Variants in ALDH1L1 observed in about 807,000 individuals in gnomAD.
ALDH1L1 encodes aldehyde dehydrogenase 1 family member L1.
A neutral mutation model predicts 101.1 loss-of-function variants in ALDH1L1; 68 were observed. That is an observed-to-expected ratio of 0.67 (90% CI 0.55 to 0.82). The LOEUF is 0.82. Among genes scored for constraint, ALDH1L1 ranks in the 40% least tolerant of loss-of-function variants. The pLI, the probability that ALDH1L1 is intolerant of heterozygous loss-of-function variation, is 0.00. For synonymous variants in ALDH1L1, 486 were observed against 470.8 expected (o/e 1.03, Z -0.42); for missense variants, 1,087 against 1,172.7 (o/e 0.93, Z 1.07).
rs959949640 is a variant in ALDH1L1 at position 126,155,258 on chromosome 3, C to A, written c.630+144G>T. ...CTCCTCCACGGCTCTCTTCATGCAT[C>A]CCTGACCTGGGCTGCCCTGTGTTCT... is the stretch of plus-strand genomic sequence containing the variant. On this transcript the variant is annotated intron_variant, in intron 5 of 22. Coordinates refer to ENST00000393434, the MANE Select transcript of ALDH1L1 (RefSeq NM_012190.4). 5 of 646,752 alleles carry A rather than the reference C, an allele frequency of 7.7e-6. No individual in the cohort carries two copies. In the East Asian group the frequency reaches 1.3e-4, roughly 16 times the overall value. The allele number at this position is 646,752 out of a possible 1,614,324, so 40.1% of individuals were successfully genotyped here.
intron 5 of ALDH1L1, 124 bp from the exon 6 acceptor site, chr3:126,154,767 C>T (rs1373277465): frequency 2.5e-6 from 2 of 794,454 alleles, no homozygotes; most frequent in South Asian, 1.6e-5. Flanking sequence ...CTCTTAGACA[C>T]TTGCAGGAGT....
intron 12 of ALDH1L1, chr3:126,135,241 C>A (rs532758034): frequency 1.1e-5 from 3 of 282,252 alleles, no homozygotes; most frequent in African/African-American, 2.3e-5. Flanking sequence ...GCCCAGCCTG[C>A]GCCCACTTTG....
chr3:126,135,803 C>T lies in ALDH1L1; in HGVS notation c.1345-141G>A, dbSNP rs1160715575. 2.0e-5 allele frequency: 21 copies of T among 1,061,562 alleles called. No individual in the cohort carries two copies. In the East Asian group the frequency reaches 6.0e-4, roughly 30 times the overall value. 65.8% of individuals were successfully genotyped at this position (1,061,562 alleles called of 1,614,324 possible). ...AGCAGGTGTGGAGGAGAAGCATGGCCAAAGGACAACCCTGGGAGGGTTTAC... is the reference window on the plus strand; with the variant it reads ...AGCAGGTGTGGAGGAGAAGCATGGCTAAAGGACAACCCTGGGAGGGTTTAC... On this transcript the variant is annotated intron_variant, in intron 11 of 22. Coordinates refer to ENST00000393434, the MANE Select transcript of ALDH1L1 (RefSeq NM_012190.4).
At chr3:126,116,508 T>C (rs1372963553) in intron 17 of ALDH1L1, among the ~76,000 whole-genome samples, 2 of 152,148 alleles carry the variant, frequency 1.3e-5, no homozygotes, top group Admixed American at 6.5e-5. Flanking sequence ...AGAGCTGACA[T>C]TTCCTGAGCC....
Position 126,161,820 on chromosome 3 carries a change from A to C in ALDH1L1, c.-23-818T>G, listed in dbSNP as rs1262944520. ...TCAATGAATTTCACAAACCAAACAC[A>C]CCACTGTCAACACCACCAGAAAGAG... is the stretch of plus-strand genomic sequence containing the variant. On this transcript the variant is annotated intron_variant, in intron 1 of 22. Coordinates refer to ENST00000393434, the MANE Select transcript of ALDH1L1 (RefSeq NM_012190.4). Among the ~76,000 whole-genome samples the C allele has an allele frequency of 2.6e-5, 4 of 152,162 alleles. No individual in the cohort carries two copies. In the South Asian group the frequency reaches 6.2e-4, roughly 24 times the overall value.
chr3:126,157,180 TC>T (rs1324322213), intron 4 of ALDH1L1, among the ~76,000 whole-genome samples, 162 bp downstream of exon 4: 8 of 152,142 alleles, frequency 5.3e-5, no homozygotes, highest in African/African-American at 1.9e-4. Context: ...ACACTGTTTG[TC>T]CTAATCCTGC....
At chr3:126,119,181 T>A (rs1354749208) in intron 16 of ALDH1L1, among the ~76,000 whole-genome samples, 1 of 152,110 alleles carries the variant, frequency 6.6e-6, no homozygotes, top group Non-Finnish European at 1.5e-5. Context: ...GCTCAGCTGA[T>A]CTCACAGGCT....
chr3:126,161,574 C>G (rs779002745), intron 1 of ALDH1L1, among the ~76,000 whole-genome samples: 39 of 152,220 alleles, frequency 2.6e-4, no homozygotes, highest in Non-Finnish European at 4.7e-4. Context: ...TGGGATTCCA[C>G]TAAGGAAGAT....
intron 22 of ALDH1L1, 36 bp from the exon 23 acceptor site, chr3:126,103,882 C>A (rs200748885): frequency 2.4e-5 from 38 of 1,607,628 alleles, no homozygotes; most frequent in South Asian, 6.7e-5. Context: ...CAGCTCCCAC[C>A]ACAGGCAGGG....
intron 1 of ALDH1L1, among the ~76,000 whole-genome samples, chr3:126,174,848 A>G (rs2081343523): frequency 6.6e-6 from 1 of 152,128 alleles, no homozygotes; most frequent in South Asian, 2.1e-4. Flanking sequence ...GAAAAAGAAG[A>G]GCAAATTAAA....
At chr3:126,147,630 G>A (rs2080722340) in intron 8 of ALDH1L1, among the ~76,000 whole-genome samples, 1 of 152,164 alleles carries the variant, frequency 6.6e-6, no homozygotes, top group East Asian at 1.9e-4. Context: ...TGGGGCAGGA[G>A]TCAGGAGGGG....
intron 9 of ALDH1L1, among the ~76,000 whole-genome samples, chr3:126,139,614 A>C (rs1428152358): frequency 6.6e-6 from 1 of 152,244 alleles, no homozygotes; most frequent in Non-Finnish European, 1.5e-5. Context: ...CATTATGTCA[A>C]ATGCCTTAAA....
chr3:126,127,800 C>G (rs959557899), intron 14 of ALDH1L1, among the ~76,000 whole-genome samples: 1 of 152,254 alleles, frequency 6.6e-6, no homozygotes, highest in Admixed American at 6.5e-5. Flanking sequence ...GCTCTGATCA[C>G]TCAGTCATTC....
At position 126,134,706 on chromosome 3, in the gene ALDH1L1, C is replaced by T. The variant is rs554465106; in HGVS notation, c.1472+829G>A. On this transcript the variant is annotated intron_variant, in intron 12 of 22. Coordinates refer to ENST00000393434, the MANE Select transcript of ALDH1L1 (RefSeq NM_012190.4). ...TAACAGAAACAGAAGCCATTCTGAC[C>T]GCAAGGCCAAGGCAGGGTCTCTCCT... 9.2e-5 allele frequency among the ~76,000 whole-genome samples: 14 copies of T among 152,330 alleles called. No homozygotes were observed. In the South Asian group the frequency reaches 1.9e-3, roughly 20 times the overall value.
chr3:126,187,779 C>T (rs2108352549), intron 1 of ALDH1L1, among the ~76,000 whole-genome samples: 1 of 152,154 alleles, frequency 6.6e-6, no homozygotes, highest in African/African-American at 2.4e-5. Flanking sequence ...CCCTTTAAGA[C>T]CAATGAGAGG....
intron 1 of ALDH1L1, among the ~76,000 whole-genome samples, chr3:126,190,861 C>T (rs976683565): frequency 1.3e-5 from 2 of 151,774 alleles, no homozygotes; most frequent in African/African-American, 4.8e-5. Context: ...AGTATATCTG[C>T]TATCTAAAAA....
At chr3:126,178,380 C>CAAAAA (rs56979863) in intron 1 of ALDH1L1, among the ~76,000 whole-genome samples, 4 of 73,332 alleles carry the variant, frequency 5.5e-5, no homozygotes, top group African/African-American at 8.0e-5. Context: ...GACCCTGTCT[C>CAAAAA]AAAAAAAAAA....
upstream of ALDH1L1, among the ~76,000 whole-genome samples, chr3:126,186,221 T>TA (rs1256124486): frequency 1.3e-5 from 2 of 152,318 alleles, no homozygotes; most frequent in African/African-American, 2.4e-5. Context: ...ATAATAACTT[T>TA]AAAAAATCAG....
Position 126,158,573 on chromosome 3 carries a change from G to T in ALDH1L1, c.194C>A (p.Ala65Asp). ...KYSRWRAKGQ[A>D]LPDVVAKYQA... ...GTATTTTGCCACCACATCAGGCAAA[G>T]CCTGTCCTTTTGCACGCCACCGGGA... is the stretch of plus-strand genomic sequence containing the variant. The change falls in exon 3 of 23, where the codon GCT becomes GAT. Residue 65 changes from alanine (A) to aspartate (D), a missense_variant. Physicochemically the swap from Ala to Asp is moderately radical, Grantham distance 126. Coordinates refer to ENST00000393434, the MANE Select transcript of ALDH1L1 (RefSeq NM_012190.4). 1 of 1,614,226 alleles carries T rather than the reference G, an allele frequency of 6.2e-7. No individual in the cohort carries two copies. Among genetic ancestry groups the T allele is most frequent in the Non-Finnish European group, 8.5e-7 (1 of 1,180,020 alleles).
Sources: allele counts gnomAD v4.1 joint callset (sites outside exome capture counted in the v4.1 genomes callset), GRCh38; gene constraint gnomAD v4.1.1; transcripts MANE v1.5; gene names NCBI Gene and HGNC (gene_info 2026-07-23, HGNC 2026-07-21).